Variants in LVRN observed in about 807,000 individuals in gnomAD.
LVRN encodes aminopeptidase Q.
In LVRN, 99 loss-of-function variants were observed where a neutral mutation model predicts 111.4. The ratio of observed to expected loss-of-function variants is 0.89; its 90% CI spans 0.76 to 1.05. The LOEUF (loss-of-function observed/expected upper bound fraction) is 1.05, where lower values mean the gene tolerates loss of function less well. LVRN is among the 50% of genes least tolerant of loss of function. LVRN has a pLI of 0.00. For synonymous variants in LVRN, 488 were observed against 449.5 expected (o/e 1.09, Z -1.08); for missense variants, 1,414 against 1,206.8 (o/e 1.17, Z -2.54).
In LVRN at chr5:115,963,230, C is replaced by G; in HGVS notation, c.613C>G (p.Gln205Glu). ...GAAACCTGGTAGCAGCTACGAGCTG[C>G]AGCTTAGCTTCTCGGGCCTGGTGAA... Reference protein sequence around the residue: ...PLKPGSSYELQLSFSGLVKED... With the variant: ...PLKPGSSYELELSFSGLVKED... Residue 205 changes from glutamine to glutamate, a missense_variant, in exon 1 of 20, where the codon CAG becomes GAG. Gln to Glu is a conservative substitution (Grantham distance 29). Transcript: ENST00000357872. The G allele has an allele frequency of 6.2e-7, 1 of 1,612,904 alleles. No individual in the cohort carries two copies. The highest frequency in any genetic ancestry group is 1.3e-5 in the African/African-American group (1 of 75,056).
intron 6 of LVRN, chr5:115,995,702 G>A (rs778934496): frequency 2.0e-5 from 3 of 152,236 alleles, no homozygotes; most frequent in Non-Finnish European, 4.4e-5. Flanking sequence ...GGCAGTGTGA[G>A]CACTACACAT....
At chr5:115,992,356 T>G in intron 5 of LVRN, 79 bp downstream of exon 5, 1 of 1,487,176 alleles carries the variant, frequency 6.7e-7, no homozygotes, top group South Asian at 1.2e-5. Context: ...AAAACCCCAG[T>G]AAGACCCTGC....
At chr5:115,979,778 A>T (rs757771406) in intron 1 of LVRN, among the ~76,000 whole-genome samples, 27 of 152,172 alleles carry the variant, frequency 1.8e-4, no homozygotes, top group Admixed American at 1.3e-4. Context: ...GTGTAAAAAA[A>T]CTGTGGGAGG....
At chr5:115,966,758 C>T (rs1266418212) in intron 1 of LVRN, among the ~76,000 whole-genome samples, 1 of 152,188 alleles carries the variant, frequency 6.6e-6, no homozygotes, top group Non-Finnish European at 1.5e-5. Context: ...CCATTTTATA[C>T]TCCTACCAGC....
intron 12 of LVRN, 108 bp downstream of exon 12, chr5:116,003,488 C>A: frequency 7.4e-6 from 5 of 673,410 alleles, no homozygotes; most frequent in Non-Finnish European, 1.1e-5. Flanking sequence ...CATTCCCGCC[C>A]CTCACCTCCA....
chr5:116,006,189 G>C (rs1476416117), intron 13 of LVRN, among the ~76,000 whole-genome samples: 3 of 151,920 alleles, frequency 2.0e-5, no homozygotes, highest in African/African-American at 7.3e-5. Context: ...GTTTTCCAAG[G>C]GTGATGGCTA....
At position 116,000,514 on chromosome 5, in the gene LVRN, A is replaced by G; in HGVS notation, c.1581+16A>G. The stretch of plus-strand genomic sequence containing the variant: ...TGCACTCAAGGTGAGTTTGCAAAAT[A>G]GTCGTTACCTGGATGGCAGTAAACA... On this transcript the variant is annotated intron_variant, in intron 8 of 19. Transcript: ENST00000357872. 1.2e-6 allele frequency: 2 copies of G among 1,613,886 alleles called. No individual in the cohort carries two copies. The highest frequency in any genetic ancestry group is 1.7e-6 in the Non-Finnish European group (2 of 1,179,740).
At chr5:115,988,041 C>T (rs535400730) in intron 4 of LVRN, 102 bp downstream of exon 4, 38 of 1,442,536 alleles carry the variant, frequency 2.6e-5, no homozygotes, top group Non-Finnish European at 3.3e-5. Context: ...TTCACCATCA[C>T]CATTTAGCTG....
At chr5:116,002,355 A>G (rs1482641290) in intron 10 of LVRN, among the ~76,000 whole-genome samples, 5 of 152,254 alleles carry the variant, frequency 3.3e-5, no homozygotes, top group Admixed American at 2.6e-4. Flanking sequence ...GACATTGAAT[A>G]AATGAATGTC....
chr5:115,980,249 T>C (rs1753535105), intron 1 of LVRN, among the ~76,000 whole-genome samples: 1 of 151,778 alleles, frequency 6.6e-6, no homozygotes, highest in South Asian at 2.1e-4. Context: ...GTAGCTTGAG[T>C]CCAAAGCACA....
intron 4 of LVRN, 117 bp from the exon 5 acceptor site, chr5:115,992,006 G>A: frequency 1.0e-6 from 1 of 967,692 alleles, no homozygotes; most frequent in Non-Finnish European, 1.5e-6. Context: ...CTCCGTTCAG[G>A]TTATAAATAT....
intron 5 of LVRN, among the ~76,000 whole-genome samples, chr5:115,992,712 G>T (rs1384561837): frequency 6.6e-6 from 1 of 152,160 alleles, no homozygotes; most frequent in Non-Finnish European, 1.5e-5. Context: ...ATGGATACAG[G>T]TAATAGATTA....
intron 18 of LVRN, among the ~76,000 whole-genome samples, chr5:116,017,915 G>T (rs1453018930): frequency 6.6e-6 from 1 of 152,154 alleles, no homozygotes; most frequent in South Asian, 2.1e-4. Context: ...TCCCTCAGCA[G>T]TATTAGAGTC....
intron 13 of LVRN, among the ~76,000 whole-genome samples, chr5:116,008,107 C>T (rs981928681): frequency 7.9e-5 from 12 of 152,002 alleles, no homozygotes; most frequent in Admixed American, 7.2e-4. Context: ...TTTGGGAGGC[C>T]GAGGCGGGTG....
intron 15 of LVRN, 21 bp downstream of exon 15, chr5:116,012,489 GAT>G: frequency 7.2e-7 from 1 of 1,394,884 alleles, no homozygotes; most frequent in African/African-American, 1.5e-5. Context: ...TTTCAGAAGT[GAT>G]AATTGAATAA....
intron 1 of LVRN, among the ~76,000 whole-genome samples, chr5:115,980,246 G>A (rs1459554877): frequency 6.6e-6 from 1 of 152,006 alleles, no homozygotes; most frequent in Admixed American, 6.6e-5. Flanking sequence ...AGGGTAGCTT[G>A]AGTCCAAAGC....
chr5:115,994,803 A>G (rs1748070422), intron 6 of LVRN, among the ~76,000 whole-genome samples: 1 of 152,228 alleles, frequency 6.6e-6, no homozygotes, highest in Non-Finnish European at 1.5e-5. Context: ...GAATGCCATG[A>G]TAAAACCAAA....
intron 1 of LVRN, among the ~76,000 whole-genome samples, chr5:115,981,957 G>T (rs574419246): frequency 6.6e-6 from 1 of 152,270 alleles, no homozygotes; most frequent in African/African-American, 2.4e-5. Flanking sequence ...TATTTTCTAG[G>T]TGGGGAAACT....
intron 2 of LVRN, among the ~76,000 whole-genome samples, chr5:115,984,079 A>G (rs1217428274): frequency 1.3e-5 from 2 of 152,148 alleles, no homozygotes; most frequent in African/African-American, 4.8e-5. Context: ...TAGGTACACC[A>G]ACCCATTTCA....
Sources: gnomAD v4.1 joint callset for allele counts (sites outside exome capture counted in the v4.1 genomes callset) on GRCh38, gnomAD v4.1.1 for gene constraint, MANE v1.5 for transcripts, NCBI Gene and HGNC (gene_info 2026-07-23, HGNC 2026-07-21) for gene names.